SIPA1L2: variants seen among roughly 807,000 people sequenced by gnomAD.
SIPA1L2 encodes signal induced proliferation associated 1 like 2.
SIPA1L2 carries 56 observed loss-of-function variants against 163.9 expected under a neutral mutation model. The ratio of observed to expected loss-of-function variants is 0.34; its 90% confidence interval spans 0.28 to 0.43. The LOEUF is 0.43. SIPA1L2 is among the 20% of genes least tolerant of loss of function. The pLI, the probability that SIPA1L2 is intolerant of heterozygous loss-of-function variation, is 1.00. For synonymous variants in SIPA1L2, 877 were observed against 865.7 expected, an observed-to-expected ratio of 1.01 and a Z score of -0.23; for missense variants, 1,974 against 2,193.5, an observed-to-expected ratio of 0.90 and a Z score of 2.00.
At chr1:232,431,801 C>T (rs1413695848) in intron 16 of SIPA1L2, among the ~76,000 whole-genome samples, 1 of 151,998 alleles carries the variant, frequency 6.6e-6, no homozygotes, top group Admixed American at 6.6e-5. Context: ...CCCACCACGC[C>T]CCCCTCAACC....
intron 1 of SIPA1L2, among the ~76,000 whole-genome samples, chr1:232,595,171 T>G (rs1044032486): frequency 5.3e-5 from 8 of 152,174 alleles, no homozygotes; most frequent in African/African-American, 1.9e-4. Flanking sequence ...TAGGTTGAAA[T>G]CATTGGTCCA....
At chr1:232,614,241 A>C (rs918747740) in intron 1 of SIPA1L2, among the ~76,000 whole-genome samples, 1 of 151,980 alleles carries the variant, frequency 6.6e-6, no homozygotes, top group African/African-American at 2.4e-5. Flanking sequence ...TTATTCCATC[A>C]GCCAAGGCCT....
chr1:232,439,079 G>A (rs1662734152), intron 15 of SIPA1L2, 29 bp downstream of exon 15: 1 of 1,562,982 alleles, frequency 6.4e-7, no homozygotes, highest in African/African-American at 1.3e-5. Context: ...GCACCAGCAG[G>A]TACTACTCTG....
chr1:232,538,573 A>T (rs2103101337), intron 2 of SIPA1L2, among the ~76,000 whole-genome samples: 1 of 152,222 alleles, frequency 6.6e-6, no homozygotes, highest in South Asian at 2.1e-4. Context: ...GCCTATGTAA[A>T]ATTACTGGTT....
chr1:232,550,003 G>A (rs1018876797), intron 2 of SIPA1L2, among the ~76,000 whole-genome samples: 3 of 152,140 alleles, frequency 2.0e-5, no homozygotes, highest in Non-Finnish European at 4.4e-5. Flanking sequence ...CAGAAATAGA[G>A]AATAGCTGAT....
intron 2 of SIPA1L2, among the ~76,000 whole-genome samples, chr1:232,553,372 G>C (rs1658513080): frequency 6.6e-6 from 1 of 152,156 alleles, no homozygotes; most frequent in African/African-American, 2.4e-5. Flanking sequence ...GGTTTATATG[G>C]GTACAGGACG....
chr1:232,428,673 T>C (rs1217166688), intron 16 of SIPA1L2, 109 bp from the exon 17 acceptor site: 8 of 739,156 alleles, frequency 1.1e-5, no homozygotes, highest in Admixed American at 3.3e-5. Context: ...ATACAAACAC[T>C]TCTTAGGTCT....
chr1:232,500,722 T>C (rs1558226206), intron 3 of SIPA1L2, among the ~76,000 whole-genome samples: 1 of 152,232 alleles, frequency 6.6e-6, no homozygotes, highest in Non-Finnish European at 1.5e-5. Context: ...GCTGTGAACG[T>C]TGTTGAAATA....
At chr1:232,437,274 C>G (rs1005066279) in intron 15 of SIPA1L2, among the ~76,000 whole-genome samples, 6 of 152,174 alleles carry the variant, frequency 3.9e-5, no homozygotes, top group Admixed American at 3.9e-4. Flanking sequence ...CAAATCATCT[C>G]AACTTTGAAC....
intron 1 of SIPA1L2, among the ~76,000 whole-genome samples, chr1:232,584,048 G>C (rs1660523651): frequency 6.6e-6 from 1 of 151,126 alleles, no homozygotes; most frequent in South Asian, 2.1e-4. Flanking sequence ...TGGCCATAAA[G>C]AAATTATCTG....
In SIPA1L2 at chr1:232,595,854, G is replaced by A. The variant is rs143392962; in HGVS notation, c.-318-21632C>T. Among the ~76,000 whole-genome samples, 898 of 152,296 alleles carry A rather than the reference G, an allele frequency of 5.9e-3. 13 individuals are homozygous for A. Among genetic ancestry groups the A allele is most frequent in the South Asian group, 0.033 (161 of 4,816 alleles). On this transcript the variant is annotated intron_variant, in intron 1 of 22. Transcript: ENST00000674635. ...ATAAAACCTATTTTCATTAGGAATA[G>A]ATGGAAATCATCTTTCTAATGCTAG...
chr1:232,425,469 T>C (rs949299231), intron 18 of SIPA1L2, 120 bp downstream of exon 18: 5 of 702,398 alleles, frequency 7.1e-6, no homozygotes, highest in African/African-American at 5.4e-5. Context: ...AAATAATATA[T>C]ATTTAATAAA....
intron 8 of SIPA1L2, among the ~76,000 whole-genome samples, chr1:232,466,243 CA>C (rs1403801670): frequency 6.6e-6 from 1 of 152,096 alleles, no homozygotes; most frequent in Non-Finnish European, 1.5e-5. Context: ...TTACAAGAGC[CA>C]AAAGTTTTAA....
In SIPA1L2 at chr1:232,514,730, A is replaced by G. The variant is rs1277011525; in HGVS notation, c.610T>C (p.Ser204Pro). ...STSSIDRQGL[S>P]GENFFAMLRG... ...AGCATAGCAAAAAAGTTTTCACCAG[A>G]TAAGCCTTGCCTGTCGATGGATGAA... Residue 204 changes from serine (S) to proline (P), a missense_variant, in exon 3 of 23, where the codon TCT (serine) becomes CCT (proline). This residue lies in a region of SIPA1L2 where 607 missense variants were observed against 624.0 expected (regional missense o/e 0.97). Transcript: ENST00000674635. The G allele has an allele frequency of 1.9e-6, 3 of 1,614,060 alleles. No homozygotes were observed. In the South Asian group the frequency reaches 3.3e-5, roughly 18 times the overall value.
chr1:232,444,923 C>T (rs1377037535), intron 11 of SIPA1L2, among the ~76,000 whole-genome samples: 5 of 152,108 alleles, frequency 3.3e-5, no homozygotes, highest in African/African-American at 1.2e-4. Context: ...GAATTAACAA[C>T]AATAAGAAAT....
intron 2 of SIPA1L2, among the ~76,000 whole-genome samples, chr1:232,572,884 T>C (rs1449148596): frequency 1.3e-5 from 2 of 151,682 alleles, no homozygotes; most frequent in Non-Finnish European, 2.9e-5. Context: ...GTTCAAGTGA[T>C]TCTCCTGCCT....
chr1:232,606,005 T>A (rs1252860471), intron 1 of SIPA1L2, among the ~76,000 whole-genome samples: 1 of 152,186 alleles, frequency 6.6e-6, no homozygotes, highest in African/African-American at 2.4e-5. Context: ...GCTACTGAGT[T>A]CAAGAAATTT....
intron 1 of SIPA1L2, among the ~76,000 whole-genome samples, chr1:232,623,618 A>G (rs1252249808): frequency 6.6e-6 from 1 of 151,970 alleles, no homozygotes; most frequent in Non-Finnish European, 1.5e-5. Flanking sequence ...AAAAAACAAA[A>G]CAAAACAAAA....
Position 232,515,127 on chromosome 1 carries a change from C to A in SIPA1L2, c.213G>T (p.Val71=), listed in dbSNP as rs982820324. 1 of 1,613,908 alleles carries A rather than the reference C, an allele frequency of 6.2e-7. No individual in the cohort carries two copies. ...GGGPANGTPA[V]PKMGVRARVS... is the part of the protein sequence containing the mutation. ...CCCTTGCTCTCACACCCATCTTGGGCACAGCTGGGGTACCATTAGCCGGAC... is the reference window on the plus strand; with the variant it reads ...CCCTTGCTCTCACACCCATCTTGGGAACAGCTGGGGTACCATTAGCCGGAC... The change falls in exon 3 of 23, where the codon GTG becomes GTT. Residue 71 remains valine, a synonymous_variant. Transcript: ENST00000674635.
Sources: gnomAD v4.1 joint callset for allele counts (sites outside exome capture counted in the v4.1 genomes callset) on GRCh38, gnomAD v4.1.1 for gene constraint, gnomAD v4.1.1 regional missense constraint, MANE v1.5 for transcripts, NCBI Gene and HGNC (gene_info 2026-07-23, HGNC 2026-07-21) for gene names.